The following PTPRG variants were observed in gnomAD, a reference collection of about 807,000 sequenced individuals.
PTPRG encodes the protein protein tyrosine phosphatase receptor type G, also known as receptor-type tyrosine-protein phosphatase gamma.
A neutral mutation model predicts 165.3 loss-of-function variants in PTPRG; 102 were observed. That is an observed-to-expected ratio of 0.62 (90% CI 0.53 to 0.73). PTPRG has a LOEUF of 0.73. PTPRG is among the 30% of genes least tolerant of loss of function. The pLI, the probability that PTPRG is intolerant of heterozygous loss-of-function variation, is 0.00. For missense variants in PTPRG, 1,866 were observed against 1,861.4 expected, an observed-to-expected ratio of 1.00 and a Z score of -0.05; for synonymous variants, 675 against 669.5, an observed-to-expected ratio of 1.01 and a Z score of -0.13.
intron 4 of PTPRG, among the ~76,000 whole-genome samples, chr3:62,050,228 A>G (rs893241741): frequency 1.3e-5 from 2 of 152,220 alleles, no homozygotes; most frequent in African/African-American, 4.8e-5. Context: ...GATCACATAT[A>G]TGACAGTGGT....
At chr3:62,053,733 G>A (rs949512121) in intron 4 of PTPRG, among the ~76,000 whole-genome samples, 1 of 152,074 alleles carries the variant, frequency 6.6e-6, no homozygotes, top group African/African-American at 2.4e-5. Context: ...GATCTTCAGG[G>A]GATGGCCTCT....
At chr3:61,708,648 G>T (rs1242674524) in intron 1 of PTPRG, among the ~76,000 whole-genome samples, 1 of 151,550 alleles carries the variant, frequency 6.6e-6, no homozygotes, top group Admixed American at 6.6e-5. Context: ...TAGTAGAGAT[G>T]GGGTTTCACT....
At chr3:62,184,628 C>G (rs891495763) in intron 8 of PTPRG, among the ~76,000 whole-genome samples, 2 of 152,188 alleles carry the variant, frequency 1.3e-5, no homozygotes, top group African/African-American at 4.8e-5. Flanking sequence ...TCTTTCTCCC[C>G]ACCAGGGCCA....
rs58097355 is a variant in PTPRG, at chr3:61,813,543, C to CTGTGTGTGTGTGTG, written c.190+64597_190+64610dup. On this transcript the variant is annotated intron_variant, in intron 2 of 29. Coordinates refer to ENST00000474889, the MANE Select transcript of PTPRG (RefSeq NM_002841.4). ...AAAAAAAAAAAAGAAAAAAGAAAATCTGTGTGTGTGTGTGTGTGTGTGTGT... is the reference window on the plus strand; with the variant it reads ...AAAAAAAAAAAAGAAAAAAGAAAATCTGTGTGTGTGTGTGTGTGTGTGTGTGTGTGTGTGTGTGT... Among the ~76,000 whole-genome samples the CTGTGTGTGTGTGTG allele has an allele frequency of 5.3e-4, 62 of 116,916 alleles. 1 individual carries two copies. The highest frequency in any genetic ancestry group is 6.3e-4 in the Non-Finnish European group (37 of 58,462). The allele number at this position is 116,916 out of a possible 152,430, so 76.7% of individuals were successfully genotyped here.
intron 2 of PTPRG, among the ~76,000 whole-genome samples, chr3:61,956,713 C>T (rs1411696170): frequency 6.6e-6 from 1 of 152,052 alleles, no homozygotes; most frequent in South Asian, 2.1e-4. Flanking sequence ...TTCTCATATG[C>T]GTATATTGAG....
intron 6 of PTPRG, among the ~76,000 whole-genome samples, chr3:62,137,625 A>G (rs529914403): frequency 6.6e-6 from 1 of 152,224 alleles, no homozygotes; most frequent in African/African-American, 2.4e-5. Flanking sequence ...AGAAAGCTGT[A>G]GTGGATCAGA....
Position 62,245,660 on chromosome 3 carries a change from T to C in PTPRG, c.2467+1762T>C, listed in dbSNP as rs1701272792. On this transcript the variant is annotated intron_variant, in intron 15 of 29. Transcript: ENST00000474889. This position sits in a 1 kb window ranked among gnomAD's most constrained non-coding sequence, Gnocchi z 4.2. Reference sequence around the variant, plus strand: ...TAGGATGCCTATTCTCCTTGCCTTTTGAGGTAACTGTCAAGACAACAGTAG... The same window carrying C: ...TAGGATGCCTATTCTCCTTGCCTTTCGAGGTAACTGTCAAGACAACAGTAG... Among the ~76,000 whole-genome samples the C allele has an allele frequency of 6.6e-6, 1 of 152,096 alleles. No individual in the cohort carries two copies. Among genetic ancestry groups the C allele is most frequent in the African/African-American group, 2.4e-5 (1 of 41,416 alleles).
intron 2 of PTPRG, among the ~76,000 whole-genome samples, chr3:61,831,993 T>G (rs930160570): frequency 6.6e-6 from 1 of 152,230 alleles, no homozygotes; most frequent in African/African-American, 2.4e-5. Context: ...ATGTAATATT[T>G]TAAAAATGTT....
Position 62,061,632 on chromosome 3 carries a change from C to CT in PTPRG, c.520-16516dup, listed in dbSNP as rs59972737. Among the ~76,000 whole-genome samples, 73 of 142,450 alleles carry CT rather than the reference C, an allele frequency of 5.1e-4. No homozygotes were observed. In the East Asian group the frequency reaches 5.2e-3, roughly 10 times the overall value. 93.5% of individuals were successfully genotyped at this position (142,450 alleles called of 152,430 possible). On this transcript the variant is annotated intron_variant, in intron 4 of 29. Coordinates refer to ENST00000474889, the MANE Select transcript of PTPRG (RefSeq NM_002841.4). Reference sequence around the variant, plus strand: ...ATTACTTGGCTTTCTCTTTTCTTTTCTTTTTTTTTTTTTTTAGATGGAGTC... The same window carrying CT: ...ATTACTTGGCTTTCTCTTTTCTTTTCTTTTTTTTTTTTTTTTAGATGGAGTC...
Position 62,237,481 on chromosome 3 carries a change from G to A in PTPRG, c.2375+6170G>A, listed in dbSNP as rs928227452. On this transcript the variant is annotated intron_variant, in intron 14 of 29. Coordinates refer to ENST00000474889, the MANE Select transcript of PTPRG (RefSeq NM_002841.4). The surrounding 1 kb of genome is among the most constrained non-coding windows in gnomAD (Gnocchi z 4.5). ...CTGGCAGTGTATATTTTTCAGCAGG[G>A]AGCTCAGGGACTTGACGTTGACAGC... Among the ~76,000 whole-genome samples, 1 of 152,136 alleles carries A rather than the reference G, an allele frequency of 6.6e-6. No homozygotes were observed. The highest frequency in any genetic ancestry group is 2.4e-5 in the African/African-American group (1 of 41,408).
intron 4 of PTPRG, among the ~76,000 whole-genome samples, chr3:62,058,727 T>C (rs1700712087): frequency 6.6e-6 from 1 of 152,134 alleles, no homozygotes; most frequent in Non-Finnish European, 1.5e-5. Context: ...AATTCAGTGT[T>C]GATAACAGCA....
At chr3:62,290,676 G>C (rs560649704) in intron 28 of PTPRG, among the ~76,000 whole-genome samples, 1 of 152,168 alleles carries the variant, frequency 6.6e-6, no homozygotes, top group Non-Finnish European at 1.5e-5. Context: ...AGTGAGAAAA[G>C]ATCACACTGT....
rs921851489 is a variant in PTPRG at position 62,273,176 on chromosome 3, G to C, written c.3318+95G>C. On this transcript the variant is annotated intron_variant, in intron 22 of 29. Coordinates refer to ENST00000474889, the MANE Select transcript of PTPRG (RefSeq NM_002841.4). This position sits in a 1 kb window ranked among gnomAD's most constrained non-coding sequence, Gnocchi z 4.1. ...ATGAAGAGACAGATTCATTCTTTTAGGGCTTGCAGTAATTTACAGGTTTGT... is the reference window on the plus strand; with the variant it reads ...ATGAAGAGACAGATTCATTCTTTTACGGCTTGCAGTAATTTACAGGTTTGT... 1.2e-4 allele frequency: 166 copies of C among 1,329,726 alleles called. No individual in the cohort carries two copies. The highest frequency in any genetic ancestry group is 1.5e-4 in the Non-Finnish European group (146 of 989,726). The allele number at this position is 1,329,726 out of a possible 1,614,324, so 82.4% of individuals were successfully genotyped here.
chr3:62,111,783 A>T lies in PTPRG; in HGVS notation c.616-20819A>T, dbSNP rs1213164816. Among the ~76,000 whole-genome samples the T allele has an allele frequency of 3.3e-5, 5 of 152,072 alleles. No homozygotes were observed. The East Asian group carries it at 9.7e-4, about 29-fold the overall frequency. ...ATAGTATTCCAGAAATATCATTGTC[A>T]CCCTGGATCTTTTTTTCCTTTAAAT... is the stretch of plus-strand genomic sequence containing the variant. On this transcript the variant is annotated intron_variant, in intron 5 of 29. Coordinates refer to ENST00000474889, the MANE Select transcript of PTPRG (RefSeq NM_002841.4).
intron 6 of PTPRG, among the ~76,000 whole-genome samples, chr3:62,142,127 C>T (rs1207123781): frequency 6.6e-6 from 1 of 150,742 alleles, no homozygotes; most frequent in Non-Finnish European, 1.5e-5. Flanking sequence ...GAACTGGCCT[C>T]AAATTCAAAC....
At chr3:62,046,125 T>C (rs768939557) in intron 4 of PTPRG, among the ~76,000 whole-genome samples, 2 of 152,164 alleles carry the variant, frequency 1.3e-5, no homozygotes, top group Non-Finnish European at 2.9e-5. Context: ...GTTACCTTAC[T>C]AGGGCACCCT....
Position 62,267,797 on chromosome 3 carries a change from C to T in PTPRG, c.2852C>T (p.Thr951Met), listed in dbSNP as rs1271256949. The change falls in exon 19 of 30, where the codon ACG becomes ATG. Residue 951 changes from threonine (T) to methionine (M), a missense_variant. Transcript: ENST00000474889. ...EQNTGIIVMI[T>M]NLVEKGRRKC... The stretch of plus-strand genomic sequence containing the variant: ...AACACTGGAATCATTGTGATGATTA[C>T]GAACCTTGTGGAAAAAGGAAGAGTA... 31 of 1,612,842 alleles carry T rather than the reference C, an allele frequency of 1.9e-5. No individual in the cohort carries two copies. The highest frequency in any genetic ancestry group is 3.3e-5 in the South Asian group (3 of 90,908).
intron 10 of PTPRG, among the ~76,000 whole-genome samples, chr3:62,199,533 C>G (rs1368342040): frequency 2.0e-5 from 3 of 152,144 alleles, no homozygotes; most frequent in Admixed American, 2.0e-4. Context: ...AGATTGAGAG[C>G]TTTAGATAAA....
intron 2 of PTPRG, among the ~76,000 whole-genome samples, chr3:61,928,169 C>T (rs2039273051): frequency 1.3e-5 from 2 of 152,128 alleles, no homozygotes; most frequent in South Asian, 2.1e-4. Flanking sequence ...AGGATGAAGC[C>T]GAGAGTTGAG....
Sources: allele counts gnomAD v4.1 joint callset (sites outside exome capture counted in the v4.1 genomes callset), GRCh38; gene constraint gnomAD v4.1.1; non-coding constraint Gnocchi (gnomAD v3.1); transcripts MANE v1.5; gene names NCBI Gene and HGNC (gene_info 2026-07-23, HGNC 2026-07-21).